The following AFG1L variants were observed in gnomAD, a reference collection of about 807,000 sequenced individuals.
The protein encoded by AFG1L is AFG1-like ATPase.
Under a neutral mutation model 62.2 loss-of-function variants are expected in AFG1L, and 53 were observed. That is an observed-to-expected ratio of 0.85 (90% CI 0.68 to 1.07). The LOEUF is 1.07. Ranked by LOEUF, AFG1L falls within the 50% of genes least tolerant of loss-of-function variation. The pLI is 0.00. For synonymous variants in AFG1L, 228 were observed against 210.3 expected (o/e 1.08, Z -0.73); for missense variants, 555 against 590.5 (o/e 0.94, Z 0.62).
chr6:108,470,121 A>G (rs904215030), intron 8 of AFG1L, among the ~76,000 whole-genome samples: 10 of 152,114 alleles, frequency 6.6e-5, no homozygotes, highest in Admixed American at 4.6e-4. Context: ...TTTCCCATCA[A>G]TTAAGGTTCT....
At chr6:108,330,554 A>G (rs922158818) in intron 2 of AFG1L, among the ~76,000 whole-genome samples, 1 of 152,178 alleles carries the variant, frequency 6.6e-6, no homozygotes, top group African/African-American at 2.4e-5. Flanking sequence ...TGTCTTGGGT[A>G]TGAAACCTTG....
rs756392836 is a variant in AFG1L at position 108,355,637 on chromosome 6, T to A, written c.416-17T>A. ...ATACTATTTAATAGTATTCTTAAAA[T>A]TTTTTTTATTTTTAAGGTACAGGAA... On this transcript the variant is annotated splice_polypyrimidine_tract_variant and intron_variant, in intron 3 of 12. Coordinates refer to ENST00000368977, the MANE Select transcript of AFG1L (RefSeq NM_145315.5). 5.0e-6 allele frequency: 7 copies of A among 1,393,960 alleles called. No homozygotes were observed. In the South Asian group the frequency reaches 5.0e-5, roughly 10 times the overall value. 86.3% of individuals were successfully genotyped at this position (1,393,960 alleles called of 1,614,324 possible).
intron 1 of AFG1L, among the ~76,000 whole-genome samples, chr6:108,314,739 A>G (rs1237252490): frequency 1.3e-5 from 2 of 152,182 alleles, no homozygotes; most frequent in Admixed American, 1.3e-4. Context: ...ATAATAATAA[A>G]AAAAGGAAAT....
intron 7 of AFG1L, among the ~76,000 whole-genome samples, chr6:108,437,585 C>T (rs1306623282): frequency 6.6e-6 from 1 of 151,900 alleles, no homozygotes; most frequent in Non-Finnish European, 1.5e-5. Flanking sequence ...TAGAAAATGT[C>T]CTACGTAATG....
intron 1 of AFG1L, chr6:108,318,280 A>G (rs1777681665): frequency 1.3e-5 from 4 of 307,720 alleles, no homozygotes; most frequent in Admixed American, 8.7e-5. Context: ...TAAAACACAA[A>G]GAAGACTGTG....
In AFG1L at chr6:108,525,752, A is replaced by T. The variant is rs1458806262; in HGVS notation, c.*3327A>T. ...CAGATTAATGAATTGCTAAGATATA[A>T]CCGAAGTCAATAAAATTAGCAAAGT... On this transcript the variant is annotated 3_prime_UTR_variant, in exon 13 of 13. Coordinates refer to ENST00000368977, the MANE Select transcript of AFG1L (RefSeq NM_145315.5). 2 of 152,248 alleles carry T rather than the reference A, an allele frequency of 1.3e-5. No individual in the cohort carries two copies. The highest frequency in any genetic ancestry group is 2.9e-5 in the Non-Finnish European group (2 of 68,038). The allele number at this position is 152,248 out of a possible 1,614,324, so 9.4% of individuals were successfully genotyped here.
chr6:108,302,645 C>T (rs1777050856), intron 1 of AFG1L, among the ~76,000 whole-genome samples: 1 of 152,090 alleles, frequency 6.6e-6, no homozygotes, highest in African/African-American at 2.4e-5. Flanking sequence ...GATACGAGGC[C>T]AGTTTCCAAA....
At position 108,402,056 on chromosome 6, in the gene AFG1L, T is replaced by C; in HGVS notation, c.807+2T>C. On this transcript the variant is annotated splice_donor_variant, in intron 7 of 12. Transcript: ENST00000368977. LOFTEE classifies it high-confidence loss of function. ...GTACCATTCATAGCAGTCTTGAAGG[T>C]AAAAACAAATCATTTATTTGTGTTT... is the stretch of plus-strand genomic sequence containing the variant. The C allele has an allele frequency of 6.9e-7, 1 of 1,456,194 alleles. No individual in the cohort carries two copies. Among genetic ancestry groups the C allele is most frequent in the Non-Finnish European group, 9.3e-7 (1 of 1,079,802 alleles). The allele number at this position is 1,456,194 out of a possible 1,614,324, so 90.2% of individuals were successfully genotyped here. A position where few individuals can be genotyped will look rare whatever the true frequency, so the allele number is the denominator to read the frequency against.
intron 9 of AFG1L, 124 bp from the exon 10 acceptor site, chr6:108,477,066 ATT>A: frequency 1.0e-6 from 1 of 1,003,874 alleles, no homozygotes; most frequent in Non-Finnish European, 1.5e-6. Flanking sequence ...TTGTATCAGC[ATT>A]TTGTCTAATT....
chr6:108,347,190 G>C (rs1778896234), intron 3 of AFG1L, 151 bp downstream of exon 3: 1 of 653,838 alleles, frequency 1.5e-6, no homozygotes, highest in Non-Finnish European at 2.7e-6. Flanking sequence ...AAGGGAGAGA[G>C]GGCAGTTATC....
chr6:108,305,144 A>G (rs1159617328), intron 1 of AFG1L, among the ~76,000 whole-genome samples: 1 of 152,232 alleles, frequency 6.6e-6, no homozygotes, highest in East Asian at 1.9e-4. Context: ...GTGAGTAGAA[A>G]TGGAATGTAC....
At chr6:108,395,712 A>G (rs142208711) in intron 6 of AFG1L, among the ~76,000 whole-genome samples, 2 of 148,984 alleles carry the variant, frequency 1.3e-5, no homozygotes, top group Non-Finnish European at 3.0e-5. Flanking sequence ...CTACTACTGT[A>G]TCTATTTTCA....
intron 10 of AFG1L, among the ~76,000 whole-genome samples, chr6:108,483,993 T>G (rs951703068): frequency 1.3e-5 from 2 of 152,210 alleles, no homozygotes; most frequent in East Asian, 3.8e-4. Context: ...GTGAAACCAC[T>G]GATTGGGAGC....
chr6:108,422,633 A>G (rs1195507106), intron 7 of AFG1L, among the ~76,000 whole-genome samples: 8 of 151,924 alleles, frequency 5.3e-5, no homozygotes, highest in Non-Finnish European at 1.2e-4. Context: ...ATTCTGATAA[A>G]TGTTCAATCT....
chr6:108,408,125 CTT>C (rs772126137), intron 7 of AFG1L, among the ~76,000 whole-genome samples: 12 of 133,104 alleles, frequency 9.0e-5, no homozygotes, highest in Admixed American at 1.5e-4. Context: ...CTTTTTGAGG[CTT>C]TTTTTTTTTT....
At chr6:108,339,537 G>T (rs1253596813) in intron 2 of AFG1L, among the ~76,000 whole-genome samples, 1 of 145,604 alleles carries the variant, frequency 6.9e-6, no homozygotes. Context: ...TCTGCTCACT[G>T]CAACCTCCAT....
chr6:108,514,264 C>A (rs191778784), intron 11 of AFG1L, among the ~76,000 whole-genome samples: 3 of 152,278 alleles, frequency 2.0e-5, no homozygotes, highest in Admixed American at 2.0e-4. Flanking sequence ...ATCGGGTTAT[C>A]CACAAAGGGA....
intron 12 of AFG1L, 88 bp downstream of exon 12, chr6:108,519,898 G>T: frequency 1.3e-6 from 1 of 753,084 alleles, no homozygotes; most frequent in Non-Finnish European, 2.2e-6. Context: ...AAGAAGAAAT[G>T]CAGTGTATAG....
intron 6 of AFG1L, among the ~76,000 whole-genome samples, chr6:108,370,953 G>A (rs1349992231): frequency 6.6e-6 from 1 of 152,158 alleles, no homozygotes; most frequent in African/African-American, 2.4e-5. Context: ...GTAAATAGCT[G>A]TGGAGTGGAG....
Sources: allele counts gnomAD v4.1 joint callset (sites outside exome capture counted in the v4.1 genomes callset), GRCh38; gene constraint gnomAD v4.1.1; transcripts MANE v1.5; gene names NCBI Gene and HGNC (gene_info 2026-07-23, HGNC 2026-07-21).